The following WDR26 variants were observed in gnomAD, a reference collection of about 807,000 sequenced individuals.
WDR26 encodes the protein WD repeat-containing protein 26.
In WDR26, 5 loss-of-function variants were observed where a neutral mutation model predicts 84.1. The ratio of observed to expected loss-of-function variants is 0.06; its 90% CI spans 0.03 to 0.13. WDR26 has a LOEUF of 0.13. Ranked by LOEUF, WDR26 falls within the 10% of genes least tolerant of loss-of-function variation. WDR26 has a pLI of 1.00. For synonymous variants in WDR26, 415 were observed against 389.6 expected, an observed-to-expected ratio of 1.07 and a Z score of -0.77; for missense variants, 642 against 974.9, an observed-to-expected ratio of 0.66 and a Z score of 4.55.
At chr1:224,423,840 T>C (rs907599438) in intron 4 of WDR26, among the ~76,000 whole-genome samples, 2 of 152,222 alleles carry the variant, frequency 1.3e-5, no homozygotes, top group Admixed American at 6.5e-5. Context: ...ATACAGATAG[T>C]ATGTGAAGGC....
chr1:224,408,514 T>A (rs1233290536), intron 7 of WDR26, among the ~76,000 whole-genome samples: 1 of 152,142 alleles, frequency 6.6e-6, no homozygotes, highest in Non-Finnish European at 1.5e-5. Context: ...TTTTCATATA[T>A]CATGCAAATA....
intron 4 of WDR26, among the ~76,000 whole-genome samples, chr1:224,423,342 C>T (rs1472658732): frequency 6.6e-6 from 1 of 152,330 alleles, no homozygotes; most frequent in East Asian, 1.9e-4. Context: ...AGGTTTCAGT[C>T]TTTCACTGCC....
intron 9 of WDR26, 80 bp from the exon 10 acceptor site, chr1:224,399,114 A>C (rs983511506): frequency 4.5e-6 from 6 of 1,320,988 alleles, no homozygotes; most frequent in Non-Finnish European, 6.0e-6. Context: ...GACTCCCTTC[A>C]CAATATCTTT....
chr1:224,422,473 T>C (rs1456915375), intron 4 of WDR26, among the ~76,000 whole-genome samples: 2 of 152,198 alleles, frequency 1.3e-5, no homozygotes, highest in Non-Finnish European at 2.9e-5. Flanking sequence ...CCCAGCACTT[T>C]GGAAGGCTGA....
chr1:224,413,172 G>C, intron 6 of WDR26: 3 of 583,000 alleles, frequency 5.1e-6, no homozygotes, highest in South Asian at 3.5e-5. Context: ...CTGGGTGACA[G>C]AGTGAGATAG....
chr1:224,422,370 T>C (rs1183976901), intron 4 of WDR26, among the ~76,000 whole-genome samples: 1 of 152,152 alleles, frequency 6.6e-6, no homozygotes, highest in Admixed American at 6.5e-5. Flanking sequence ...AAGACTTCAT[T>C]TATGGTTTTG....
chr1:224,428,081 C>A (rs968522958), intron 3 of WDR26, among the ~76,000 whole-genome samples: 9 of 152,160 alleles, frequency 5.9e-5, no homozygotes, highest in Non-Finnish European at 4.4e-5. Context: ...CCAGCAAGAT[C>A]TCCTTCTCCA....
In WDR26 at chr1:224,389,697, C is replaced by T. The variant is rs544573788; in HGVS notation, c.*138G>A. ...CAAGGTGTAAATGTTTGGCCCCAATCGGGCTTCAGAAATGGTTCTTTTTTC... is the reference window on the plus strand; with the variant it reads ...CAAGGTGTAAATGTTTGGCCCCAATTGGGCTTCAGAAATGGTTCTTTTTTC... On this transcript the variant is annotated 3_prime_UTR_variant, in exon 14 of 14. Coordinates refer to ENST00000414423, the MANE Select transcript of WDR26 (RefSeq NM_001379403.1). The T allele has an allele frequency of 1.4e-5, 12 of 883,586 alleles. No homozygotes were observed. The highest frequency in any genetic ancestry group is 2.9e-4 in the Middle Eastern group (1 of 3,400). The allele number at this position is 883,586 out of a possible 1,614,324, so 54.7% of individuals were successfully genotyped here.
intron 12 of WDR26, among the ~76,000 whole-genome samples, chr1:224,395,193 T>C (rs1306677403): frequency 6.6e-6 from 1 of 152,164 alleles, no homozygotes; most frequent in African/African-American, 2.4e-5. Context: ...GATACTAACC[T>C]CATATCATGT....
chr1:224,405,219 A>C (rs1673520061), intron 7 of WDR26, among the ~76,000 whole-genome samples: 1 of 152,158 alleles, frequency 6.6e-6, no homozygotes, highest in Non-Finnish European at 1.5e-5. Context: ...TTCAGTTAGC[A>C]TGTTTTCAGG....
chr1:224,430,480 A>C (rs1674360457), intron 3 of WDR26: 2 of 152,180 alleles, frequency 1.3e-5, no homozygotes, highest in Admixed American at 6.5e-5. Flanking sequence ...CTGAGTTTGA[A>C]AACTCTTTTG....
chr1:224,407,340 G>A (rs1020031548), intron 7 of WDR26, among the ~76,000 whole-genome samples: 14 of 146,996 alleles, frequency 9.5e-5, no homozygotes, highest in Non-Finnish European at 1.6e-4. Context: ...TGGATTCTGC[G>A]GGGAATGGGT....
At position 224,399,658 on chromosome 1, in the gene WDR26, C is replaced by T. The variant is rs1270047893; in HGVS notation, c.1720-624G>A. On this transcript the variant is annotated intron_variant, in intron 9 of 13. Coordinates refer to ENST00000414423, the MANE Select transcript of WDR26 (RefSeq NM_001379403.1). ...GGACAGCAAACTCAGCAGAAACATA[C>T]ATGATCATCTTGCACGCAGGGAATT... 2.6e-5 allele frequency among the ~76,000 whole-genome samples: 4 copies of T among 152,156 alleles called. No individual in the cohort carries two copies. The East Asian group carries it at 5.8e-4, about 22-fold the overall frequency.
intron 12 of WDR26, among the ~76,000 whole-genome samples, chr1:224,395,222 T>C (rs1673227865): frequency 6.6e-6 from 1 of 152,190 alleles, no homozygotes. Context: ...GGATTAAATA[T>C]ATTTGTATGT....
At chr1:224,407,547 C>A (rs558164543) in intron 7 of WDR26, among the ~76,000 whole-genome samples, 1 of 146,512 alleles carries the variant, frequency 6.8e-6, no homozygotes, top group Non-Finnish European at 1.5e-5. Context: ...CTTGCTCTGT[C>A]GCCTAGGCTG....
intron 4 of WDR26, among the ~76,000 whole-genome samples, chr1:224,421,553 A>G (rs6692855): frequency 0.98 from 149,642 of 152,278 alleles, 73,581 homozygotes; most frequent in Middle Eastern, 1. Context: ...TTGCGCCACT[A>G]CACTGCAGCA....
In WDR26 at chr1:224,393,952, G is replaced by A. The variant is rs759576153; in HGVS notation, c.2136C>T (p.His712=). ...AGCTCACACAGTTTACTGTACGTGT[G>A]TGCCCTGTCAGCTCCGCAATTGGCA... The change falls in exon 13 of 14, where the codon CAC becomes CAT. Residue 712 remains histidine (H), a synonymous_variant. Coordinates refer to ENST00000414423, the MANE Select transcript of WDR26 (RefSeq NM_001379403.1). 4.5e-6 allele frequency: 7 copies of A among 1,568,650 alleles called. No homozygotes were observed. The Admixed American group carries it at 1.2e-4, about 26-fold the overall frequency.
chr1:224,407,135 A>AT (rs1673591249), intron 7 of WDR26, among the ~76,000 whole-genome samples: 1 of 24,002 alleles, frequency 4.2e-5, no homozygotes, highest in African/African-American at 1.2e-4. Context: ...AAAAAAAAAA[A>AT]AAAAAAAAAA....
At position 224,433,669 on chromosome 1, in the gene WDR26, G is replaced by GT. The variant is rs1473914657; in HGVS notation, c.722+14dup. On this transcript the variant is annotated intron_variant, in intron 1 of 13. Coordinates refer to ENST00000414423, the MANE Select transcript of WDR26 (RefSeq NM_001379403.1). Reference sequence around the variant, plus strand: ...TCGGTCTGTCCATCACCAGCTGGCGGTAAGGGATACTTACTTGAGCCCTAA... The same window carrying GT: ...TCGGTCTGTCCATCACCAGCTGGCGGTTAAGGGATACTTACTTGAGCCCTAA... 2.1e-6 allele frequency: 3 copies of GT among 1,426,160 alleles called. No individual in the cohort carries two copies. The highest frequency in any genetic ancestry group is 2.8e-6 in the Non-Finnish European group (3 of 1,083,226). The allele number at this position is 1,426,160 out of a possible 1,614,324, so 88.3% of individuals were successfully genotyped here.
Sources: allele counts gnomAD v4.1 joint callset (sites outside exome capture counted in the v4.1 genomes callset), GRCh38; gene constraint gnomAD v4.1.1; transcripts MANE v1.5; gene names NCBI Gene and HGNC (gene_info 2026-07-23, HGNC 2026-07-21).